Variants in ABLIM1 observed in about 807,000 individuals in gnomAD.
The protein encoded by ABLIM1 is actin-binding LIM protein 1.
ABLIM1 carries 40 observed loss-of-function variants against 107.0 expected under a neutral mutation model. That is an observed-to-expected ratio of 0.37 (90% CI 0.29 to 0.49). ABLIM1 has a LOEUF of 0.49. Among genes scored for constraint, ABLIM1 ranks in the 20% least tolerant of loss-of-function variants. ABLIM1 has a pLI of 0.97. For missense variants in ABLIM1, 857 were observed against 1,008.5 expected (o/e 0.85, Z 2.04); for synonymous variants, 357 against 357.3 (o/e 1.00, Z 0.01).
intron 12 of ABLIM1, among the ~76,000 whole-genome samples, chr10:114,463,438 T>C (rs1035168912): frequency 7.2e-5 from 11 of 152,048 alleles, no homozygotes; most frequent in Non-Finnish European, 1.6e-4. Context: ...ACCCGGATGG[T>C]CTCTGTTCAG....
chr10:114,441,928 T>C (rs2060258822), intron 17 of ABLIM1, 142 bp from the exon 18 acceptor site: 1 of 714,772 alleles, frequency 1.4e-6, no homozygotes, highest in Non-Finnish European at 2.4e-6. Context: ...TTCAAAAATA[T>C]GCCATCATAT....
At chr10:114,498,213 C>T (rs569528415) in intron 6 of ABLIM1, among the ~76,000 whole-genome samples, 12 of 152,190 alleles carry the variant, frequency 7.9e-5, no homozygotes, top group African/African-American at 2.4e-4. Flanking sequence ...TGCAAAGGGC[C>T]GGGCTAGACA....
chr10:114,680,191 G>A (rs182939513), intron 1 of ABLIM1, among the ~76,000 whole-genome samples: 72 of 152,194 alleles, frequency 4.7e-4, no homozygotes, highest in African/African-American at 8.2e-4. Context: ...ATTATTACGC[G>A]GGAGGCACTG....
At chr10:114,469,051 C>CAAAAA (rs71473043) in intron 10 of ABLIM1, among the ~76,000 whole-genome samples, 5 of 75,338 alleles carry the variant, frequency 6.6e-5, no homozygotes, top group Non-Finnish European at 9.7e-5. Context: ...GACTCTGTCT[C>CAAAAA]AAAAAAAAAA....
chr10:114,626,685 A>G (rs2077825815), intron 1 of ABLIM1, among the ~76,000 whole-genome samples: 1 of 152,162 alleles, frequency 6.6e-6, no homozygotes, highest in Non-Finnish European at 1.5e-5. Context: ...AATGGGTTGG[A>G]CTGCATCACC....
upstream of ABLIM1, among the ~76,000 whole-genome samples, chr10:114,688,784 C>T (rs2081003605): frequency 6.6e-6 from 1 of 152,218 alleles, no homozygotes; most frequent in African/African-American, 2.4e-5. Context: ...ATTAAAACAG[C>T]TCTGGATGAA....
intron 8 of ABLIM1, among the ~76,000 whole-genome samples, chr10:114,476,227 C>T (rs758555229): frequency 3.2e-4 from 48 of 152,212 alleles, no homozygotes; most frequent in Non-Finnish European, 6.0e-4. Flanking sequence ...GCCTCCTCCC[C>T]AGGACCTGCC....
At chr10:114,670,185 A>G (rs1273192391) in intron 1 of ABLIM1, among the ~76,000 whole-genome samples, 3 of 152,124 alleles carry the variant, frequency 2.0e-5, no homozygotes, top group Non-Finnish European at 1.5e-5. Context: ...ACCATCCCCC[A>G]TTCCTGCTTT....
chr10:114,608,865 A>G (rs929626880), intron 1 of ABLIM1, among the ~76,000 whole-genome samples: 11 of 151,134 alleles, frequency 7.3e-5, no homozygotes, highest in Non-Finnish European at 1.5e-4. Flanking sequence ...AAATGCAAAA[A>G]TTAGCTGGGT....
At chr10:114,531,247 A>G (rs2065417658) in intron 6 of ABLIM1, among the ~76,000 whole-genome samples, 1 of 152,234 alleles carries the variant, frequency 6.6e-6, no homozygotes, top group African/African-American at 2.4e-5. Context: ...TGTGTTTTAT[A>G]AATGAAGAAA....
At chr10:114,748,054 T>C (rs1439018422) in intron 1 of ABLIM1, among the ~76,000 whole-genome samples, 3 of 151,534 alleles carry the variant, frequency 2.0e-5, no homozygotes, top group Non-Finnish European at 4.4e-5. Context: ...TAAAATAAAA[T>C]AAAGTCACTG....
chr10:114,491,656 G>A, intron 7 of ABLIM1, 135 bp downstream of exon 7: 3 of 744,110 alleles, frequency 4.0e-6, no homozygotes, highest in Non-Finnish European at 6.6e-6. Context: ...GGTAACTTTT[G>A]GCCATAATCT....
intron 6 of ABLIM1, among the ~76,000 whole-genome samples, chr10:114,532,264 A>G (rs1428497829): frequency 6.6e-6 from 1 of 152,222 alleles, no homozygotes; most frequent in Non-Finnish European, 1.5e-5. Context: ...TAGTTCATGA[A>G]GAGTTTTCAT....
At chr10:114,510,185 G>C (rs1005052799) in intron 6 of ABLIM1, among the ~76,000 whole-genome samples, 2 of 152,112 alleles carry the variant, frequency 1.3e-5, no homozygotes, top group African/African-American at 4.8e-5. Context: ...TTTCCTGAGA[G>C]AAGCTACTCT....
intron 22 of ABLIM1, 61 bp downstream of exon 22, chr10:114,437,783 G>C: frequency 1.5e-6 from 2 of 1,367,548 alleles, no homozygotes; most frequent in Non-Finnish European, 1.0e-6. Context: ...TTGCTTAGGG[G>C]AGAGTTGGGG....
intron 1 of ABLIM1, among the ~76,000 whole-genome samples, chr10:114,740,095 C>G (rs548841229): frequency 6.6e-6 from 1 of 152,144 alleles, no homozygotes; most frequent in African/African-American, 2.4e-5. Flanking sequence ...AAAGAATGTT[C>G]GCCAGAAGTA....
At chr10:114,770,965 G>A (rs2083016970), upstream of ABLIM1, among the ~76,000 whole-genome samples, 1 of 152,074 alleles carries the variant, frequency 6.6e-6, no homozygotes, top group South Asian at 2.1e-4. Flanking sequence ...TGAGTAGCTG[G>A]GATCACAGGC....
At chr10:114,756,755 T>C (rs115994316) in intron 1 of ABLIM1, among the ~76,000 whole-genome samples, 2,334 of 152,352 alleles carry the variant, frequency 0.015, 46 homozygotes, top group African/African-American at 0.052. Context: ...CAAATTCCAC[T>C]TGTTCTTCAA....
At chr10:114,451,523 A>G in intron 14 of ABLIM1, 101 bp downstream of exon 14, 1 of 1,096,500 alleles carries the variant, frequency 9.1e-7, no homozygotes, top group Admixed American at 1.7e-5. Context: ...CCCCAGTTTT[A>G]CTCTCAAAAG....
Sources: gnomAD v4.1 joint callset for allele counts (sites outside exome capture counted in the v4.1 genomes callset) on GRCh38, gnomAD v4.1.1 for gene constraint, MANE v1.5 for transcripts, NCBI Gene and HGNC (gene_info 2026-07-23, HGNC 2026-07-21) for gene names.